WDR7: variants seen among roughly 807,000 people sequenced by gnomAD.
The protein encoded by WDR7 is WD repeat domain 7, also known as WD repeat-containing protein 7.
Under a neutral mutation model 169.4 loss-of-function variants are expected in WDR7, and 46 were observed. The observed-to-expected ratio is 0.27, with a 90% CI of 0.21 to 0.35. The LOEUF (loss-of-function observed/expected upper bound fraction) is 0.35. Among genes scored for constraint, WDR7 ranks in the 10% least tolerant of loss-of-function variants. The pLI, the probability that WDR7 is intolerant of heterozygous loss-of-function variation, is 1.00. For synonymous variants in WDR7, 612 were observed against 666.8 expected (o/e 0.92, Z 1.27); for missense variants, 1,534 against 1,859.3 (o/e 0.83, Z 3.22).
chr18:56,695,217 T>A lies in WDR7; in HGVS notation c.1357+19T>A, dbSNP rs774914202. On this transcript the variant is annotated intron_variant, in intron 11 of 27. Coordinates refer to ENST00000254442, the MANE Select transcript of WDR7 (RefSeq NM_015285.3). ...AGAAGAGGTATACTGAAGAGCTCCGTATGTCTAAAGTGTTTTGACAACTCT... is the reference window on the plus strand; with the variant it reads ...AGAAGAGGTATACTGAAGAGCTCCGAATGTCTAAAGTGTTTTGACAACTCT... 6.2e-7 allele frequency: 1 copy of A among 1,608,796 alleles called. No homozygotes were observed. Among genetic ancestry groups the A allele is most frequent in the Non-Finnish European group, 8.5e-7 (1 of 1,176,332 alleles).
intron 18 of WDR7, among the ~76,000 whole-genome samples, chr18:56,780,777 T>C (rs1966458): frequency 0.59 from 89,082 of 152,142 alleles, 27,023 homozygotes; most frequent in East Asian, 0.69. Flanking sequence ...TCCAGCCTGG[T>C]CAACAGGGCA....
At chr18:56,671,550 C>T (rs1047233916) in intron 1 of WDR7, among the ~76,000 whole-genome samples, 10 of 152,238 alleles carry the variant, frequency 6.6e-5, no homozygotes, top group East Asian at 3.9e-4. Flanking sequence ...GGATTACAGG[C>T]GTGAGCCACT....
At position 56,757,172 on chromosome 18, in the gene WDR7, A is replaced by G. The variant is rs562108511; in HGVS notation, c.2579A>G (p.His860Arg). The G allele has an allele frequency of 5.6e-6, 9 of 1,613,922 alleles. No individual in the cohort carries two copies. The highest frequency in any genetic ancestry group is 7.6e-6 in the Non-Finnish European group (9 of 1,180,002). The stretch of plus-strand genomic sequence containing the variant: ...AATCAGCCTGCTTGTAAACTGTCAC[A>G]TGGGAAAACAGAAGTAGGAAGGAAG... ...GYNQPACKLS[H>R]GKTEVGRKLP... Residue 860 changes from histidine to arginine, a missense_variant, in exon 15 of 28, where the codon CAT (histidine) becomes CGT (arginine). Physicochemically the swap from His to Arg is conservative, Grantham distance 29. Coordinates refer to ENST00000254442, the MANE Select transcript of WDR7 (RefSeq NM_015285.3).
chr18:57,019,648 C>T (rs1221466151), intron 26 of WDR7, among the ~76,000 whole-genome samples: 4 of 152,138 alleles, frequency 2.6e-5, no homozygotes, highest in Admixed American at 6.6e-5. Flanking sequence ...TGTTTTCCCT[C>T]TTCTTCTTCA....
chr18:56,732,331 A>G (rs1191493898), intron 14 of WDR7, among the ~76,000 whole-genome samples: 1 of 152,202 alleles, frequency 6.6e-6, no homozygotes, highest in African/African-American at 2.4e-5. Context: ...GACAATCTCA[A>G]TATTTCATCT....
At chr18:56,773,836 C>T (rs932343281) in intron 16 of WDR7, among the ~76,000 whole-genome samples, 3 of 151,984 alleles carry the variant, frequency 2.0e-5, no homozygotes, top group Admixed American at 1.3e-4. Flanking sequence ...ATGTTAAGTA[C>T]GTGGTGGTTA....
At chr18:56,712,327 G>A (rs2026104635) in intron 12 of WDR7, among the ~76,000 whole-genome samples, 1 of 152,106 alleles carries the variant, frequency 6.6e-6, no homozygotes, top group South Asian at 2.1e-4. Flanking sequence ...GACCTAGGTG[G>A]TATATTCTGA....
At chr18:57,008,027 C>G (rs940477984) in intron 26 of WDR7, among the ~76,000 whole-genome samples, 4 of 152,018 alleles carry the variant, frequency 2.6e-5, no homozygotes, top group African/African-American at 9.7e-5. Flanking sequence ...AATTCATTTT[C>G]CTCACTCTCT....
intron 13 of WDR7, among the ~76,000 whole-genome samples, chr18:56,721,904 C>A (rs2026330857): frequency 6.6e-6 from 1 of 152,192 alleles, no homozygotes; most frequent in African/African-American, 2.4e-5. Context: ...TGTTCTTATA[C>A]AAATGCAAAC....
chr18:56,693,426 A>G (rs973630047), intron 9 of WDR7, among the ~76,000 whole-genome samples: 1 of 152,186 alleles, frequency 6.6e-6, no homozygotes, highest in Non-Finnish European at 1.5e-5. Context: ...GGTAGCTGGT[A>G]GCTAACAGAG....
chr18:56,941,838 T>C (rs1389398948), intron 25 of WDR7, among the ~76,000 whole-genome samples: 1 of 152,158 alleles, frequency 6.6e-6, no homozygotes, highest in Admixed American at 6.5e-5. Flanking sequence ...CATTTCTAAA[T>C]GGTCCCCATC....
At chr18:56,705,086 G>A (rs901817740) in intron 12 of WDR7, among the ~76,000 whole-genome samples, 21 of 152,032 alleles carry the variant, frequency 1.4e-4, no homozygotes, top group African/African-American at 4.6e-4. Flanking sequence ...TCCTATCTTG[G>A]CGTCTTAAAG....
chr18:56,706,451 G>A (rs557864512), intron 12 of WDR7, among the ~76,000 whole-genome samples: 2 of 152,158 alleles, frequency 1.3e-5, no homozygotes, highest in Non-Finnish European at 2.9e-5. Flanking sequence ...ATCTTGGAGT[G>A]GCATTAGCAG....
chr18:56,679,740 G>A (rs907227823), intron 3 of WDR7, among the ~76,000 whole-genome samples: 1 of 152,090 alleles, frequency 6.6e-6, no homozygotes, highest in East Asian at 1.9e-4. Context: ...TTTTTATTGA[G>A]TTGCCAGACA....
At chr18:56,963,852 CT>C (rs1351770129) in intron 26 of WDR7, among the ~76,000 whole-genome samples, 1 of 151,178 alleles carries the variant, frequency 6.6e-6, no homozygotes, top group Non-Finnish European at 1.5e-5. Context: ...TTCAGATTCT[CT>C]TTTGTTAAGA....
intron 17 of WDR7, among the ~76,000 whole-genome samples, chr18:56,778,731 T>C (rs2044275137): frequency 6.6e-6 from 1 of 152,210 alleles, no homozygotes; most frequent in Non-Finnish European, 1.5e-5. Flanking sequence ...TGAATTAGAA[T>C]TTTAGAAAAA....
intron 19 of WDR7, among the ~76,000 whole-genome samples, chr18:56,801,012 T>G (rs978421152): frequency 6.6e-6 from 1 of 152,148 alleles, no homozygotes; most frequent in Admixed American, 6.5e-5. Flanking sequence ...CCCCCACATA[T>G]CTAGAATTAT....
At chr18:56,947,136 C>G (rs1301277878) in intron 25 of WDR7, among the ~76,000 whole-genome samples, 1 of 152,172 alleles carries the variant, frequency 6.6e-6, no homozygotes. Context: ...TGTTTTATCA[C>G]TGTAACAAAT....
chr18:56,859,826 T>C (rs1168357041), intron 20 of WDR7, among the ~76,000 whole-genome samples: 1 of 152,228 alleles, frequency 6.6e-6, no homozygotes, highest in African/African-American at 2.4e-5. Context: ...TTCTACTTTG[T>C]GTTATCCCGG....
Sources: allele counts gnomAD v4.1 joint callset (sites outside exome capture counted in the v4.1 genomes callset), GRCh38; gene constraint gnomAD v4.1.1; transcripts MANE v1.5; gene names NCBI Gene and HGNC (gene_info 2026-07-23, HGNC 2026-07-21).